The following FN1 variants were observed in gnomAD, a reference collection of about 807,000 sequenced individuals.
The protein encoded by FN1 is fibronectin 1, also known as fibronectin.
In FN1, 106 loss-of-function variants were observed where a neutral mutation model predicts 297.3. The observed-to-expected ratio is 0.36, with a 90% confidence interval of 0.30 to 0.42. FN1 has a LOEUF of 0.42. Ranked by LOEUF, FN1 falls within the 10% of genes least tolerant of loss-of-function variation. FN1 has a pLI of 1.00. For missense variants in FN1, 2,690 were observed against 3,124.9 expected (o/e 0.86, Z 3.32); for synonymous variants, 1,149 against 1,152.6 (o/e 1.00, Z 0.06).
chr2:215,399,159 C>T (rs145796358), intron 21 of FN1, 98 bp downstream of exon 21: 19 of 875,018 alleles, frequency 2.2e-5, no homozygotes, highest in South Asian at 6.6e-5. Context: ...TGACAAAACC[C>T]AGGTCTCCTG....
At position 215,424,170 on chromosome 2, in the gene FN1, A is replaced by C; in HGVS notation, c.1192T>G (p.Tyr398Asp). The C allele has an allele frequency of 6.2e-7, 1 of 1,614,136 alleles. No homozygotes were observed. The highest frequency in any genetic ancestry group is 8.5e-7 in the Non-Finnish European group (1 of 1,180,024). Residue 398 changes from tyrosine to aspartate, a missense_variant, in exon 8 of 46, where the codon TAC (tyrosine) becomes GAC (aspartate). Physicochemically the swap from Tyr to Asp is radical, Grantham distance 160. Around this residue, in one of 3 missense-constraint regions of FN1, gnomAD observed 876 missense variants for 1,058.1 expected, o/e 0.83. Transcript: ENST00000354785. ...CCAGTGTGGTCTGTGCAGAAAGAGT[A>C]TTTCTGGTCCTGCTCATAATTCGAA... The part of the protein sequence containing the change: ...TTSNYEQDQK[Y>D]SFCTDHTVLV...
At chr2:215,401,268 A>AAGG (rs1437571807) in intron 20 of FN1, among the ~76,000 whole-genome samples, 8 of 85,456 alleles carry the variant, frequency 9.4e-5, no homozygotes, top group South Asian at 4.5e-4. Flanking sequence ...GAAAGGAAGG[A>AAGG]AAGGAAAGGA....
At chr2:215,390,348 C>CT (rs2059576318) in intron 26 of FN1, among the ~76,000 whole-genome samples, 1 of 152,060 alleles carries the variant, frequency 6.6e-6, no homozygotes, top group African/African-American at 2.4e-5. Context: ...CCATGCCCGG[C>CT]TAATTTTTGT....
chr2:215,406,111 T>G (rs2061741122), intron 19 of FN1, 127 bp downstream of exon 19: 1 of 974,046 alleles, frequency 1.0e-6, no homozygotes, highest in Non-Finnish European at 1.6e-6. Context: ...ATGCATTCCC[T>G]TGCCGGCTGG....
At position 215,370,665 on chromosome 2, in the gene FN1, A is replaced by G. The variant is rs1313044; in HGVS notation, c.6715-233T>C. 285,782 of 516,558 alleles carry G rather than the reference A, an allele frequency of 0.55. 82,018 individuals carry two copies. Among genetic ancestry groups the G allele is most frequent in the East Asian group, 0.81 (22,626 of 27,914 alleles). 32.0% of individuals were successfully genotyped at this position (516,558 alleles called of 1,614,324 possible). A position where few individuals can be genotyped will look rare whatever the true frequency, so the allele number is the denominator to read the frequency against. On this transcript the variant is annotated intron_variant, in intron 40 of 45. Coordinates refer to ENST00000354785, the MANE Select transcript of FN1 (RefSeq NM_212482.4). ...AGATTTTCCTGCCAACAATCTACCT[A>G]CGTGCTCCGTAGTTAACAGGAGCCC...
chr2:215,380,438 A>G (rs1363084335), intron 33 of FN1: 2 of 278,794 alleles, frequency 7.2e-6, no homozygotes, highest in East Asian at 8.9e-5. Context: ...CTGCTATGAA[A>G]TGCCCGAGTT....
In FN1 at chr2:215,436,005, C is replaced by G. The variant is rs2067416504; in HGVS notation, c.-203G>C. ...GACCAGAGAAGTTGTGGCTGCAGGT[C>G]CCCTCTTCCCGCTCGCGCCTGGGGT... On this transcript the variant is annotated 5_prime_UTR_variant, in exon 1 of 46. Transcript: ENST00000354785. The G allele has an allele frequency of 1.7e-6, 2 of 1,177,832 alleles. No individual in the cohort carries two copies. The highest frequency in any genetic ancestry group is 2.3e-6 in the Non-Finnish European group (2 of 870,292). 73.0% of individuals were successfully genotyped at this position (1,177,832 alleles called of 1,614,324 possible).
At chr2:215,401,206 G>GA (rs1275322968) in intron 20 of FN1, among the ~76,000 whole-genome samples, 3 of 30,154 alleles carry the variant, frequency 9.9e-5, no homozygotes, top group Admixed American at 8.1e-4. Context: ...AGAAAAGAAA[G>GA]AAAGAAAGAA....
At chr2:215,398,808 G>A (rs1167109145) in intron 21 of FN1, among the ~76,000 whole-genome samples, 1 of 152,182 alleles carries the variant, frequency 6.6e-6, no homozygotes, top group East Asian at 1.9e-4. Flanking sequence ...TTCACCCTCA[G>A]TGCTTTGAAC....
chr2:215,433,319 C>T lies in FN1; in HGVS notation c.415+5G>A, dbSNP rs1331865714. The T allele has an allele frequency of 6.2e-7, 1 of 1,614,004 alleles. No homozygotes were observed. The highest frequency in any genetic ancestry group is 8.5e-7 in the Non-Finnish European group (1 of 1,179,974). ...TGGCATCATTTTACACAATCTCTTCCTTACTTGCGATGGTACAGCTTATTC... is the reference window on the plus strand; with the variant it reads ...TGGCATCATTTTACACAATCTCTTCTTTACTTGCGATGGTACAGCTTATTC... On this transcript the variant is annotated splice_donor_5th_base_variant and intron_variant, in intron 3 of 45. Coordinates refer to ENST00000354785, the MANE Select transcript of FN1 (RefSeq NM_212482.4).
At position 215,406,411 on chromosome 2, in the gene FN1, C is replaced by T. The variant is rs757467775; in HGVS notation, c.2813G>A (p.Arg938His). The T allele has an allele frequency of 2.2e-5, 35 of 1,614,038 alleles. No homozygotes were observed. The highest frequency in any genetic ancestry group is 3.3e-5 in the South Asian group (3 of 91,084). Residue 938 changes from arginine to histidine, a missense_variant, in exon 19 of 46, where the codon CGT (arginine) becomes CAT (histidine). Arg to His is a conservative substitution (Grantham distance 29). Coordinates refer to ENST00000354785, the MANE Select transcript of FN1 (RefSeq NM_212482.4). Reference sequence around the variant, plus strand: ...CAGGTTGACGGGGATCACATCCACACGGTAGCCGGTCACTGCACTCTCAGG... The same window carrying T: ...CAGGTTGACGGGGATCACATCCACATGGTAGCCGGTCACTGCACTCTCAGG... Reference protein sequence around the residue: ...TPPESAVTGYRVDVIPVNLPG... With the variant: ...TPPESAVTGYHVDVIPVNLPG...
chr2:215,425,060 C>G (rs147394900), intron 7 of FN1, 34 bp downstream of exon 7: 1 of 1,578,470 alleles, frequency 6.3e-7, no homozygotes, highest in Non-Finnish European at 8.7e-7. Flanking sequence ...ATAATAAAGT[C>G]ATCAGTCCTA....
At position 215,422,259 on chromosome 2, in the gene FN1, T is replaced by A; in HGVS notation, c.1394-16A>T. 6.2e-7 allele frequency: 1 copy of A among 1,612,866 alleles called. No individual in the cohort carries two copies. The highest frequency in any genetic ancestry group is 1.7e-5 in the Admixed American group (1 of 60,012). Reference sequence around the variant, plus strand: ...TCCTCGTGGGCTGTTTGGAAATGGATAAGAAATGCACTTGATAAATGATCA... The same window carrying A: ...TCCTCGTGGGCTGTTTGGAAATGGAAAAGAAATGCACTTGATAAATGATCA... On this transcript the variant is annotated splice_polypyrimidine_tract_variant and intron_variant, in intron 9 of 45. Transcript: ENST00000354785.
intron 6 of FN1, among the ~76,000 whole-genome samples, chr2:215,427,015 AC>A (rs1308637518): frequency 6.6e-6 from 1 of 151,486 alleles, no homozygotes; most frequent in African/African-American, 2.4e-5. Context: ...AGCTGGGACT[AC>A]AGGCGCCCGC....
chr2:215,371,084 A>G (rs1376970896), intron 40 of FN1, among the ~76,000 whole-genome samples: 1 of 151,638 alleles, frequency 6.6e-6, no homozygotes, highest in Non-Finnish European at 1.5e-5. Flanking sequence ...CCTGGCCAAC[A>G]TCGTGAAACC....
intron 8 of FN1, among the ~76,000 whole-genome samples, chr2:215,423,928 C>A (rs1428758681): frequency 6.6e-6 from 1 of 152,162 alleles, no homozygotes; most frequent in African/African-American, 2.4e-5. Context: ...ATCAAATGAA[C>A]TGGAAGGCTA....
intron 19 of FN1, 69 bp downstream of exon 19, chr2:215,406,169 G>T: frequency 1.3e-6 from 2 of 1,496,872 alleles, no homozygotes; most frequent in Non-Finnish European, 9.3e-7. Context: ...ATGGTTTACT[G>T]CACTTTCTCA....
intron 6 of FN1, among the ~76,000 whole-genome samples, chr2:215,427,515 G>GT (rs930186616): frequency 3.3e-5 from 5 of 152,118 alleles, no homozygotes; most frequent in East Asian, 1.9e-4. Context: ...ATTAAAACTT[G>GT]TTTTTTAAAA....
intron 9 of FN1, 30 bp downstream of exon 9, chr2:215,423,320 A>G (rs2064775948): frequency 6.2e-7 from 1 of 1,611,506 alleles, no homozygotes; most frequent in Non-Finnish European, 8.5e-7. Context: ...TTGTTGTCAA[A>G]CAAGACAACC....
Sources: gnomAD v4.1 joint callset for allele counts (sites outside exome capture counted in the v4.1 genomes callset) on GRCh38, gnomAD v4.1.1 for gene constraint, gnomAD v4.1.1 regional missense constraint, MANE v1.5 for transcripts, NCBI Gene and HGNC (gene_info 2026-07-23, HGNC 2026-07-21) for gene names.